The following PTPRD variants were observed in gnomAD, a reference collection of about 807,000 sequenced individuals.
The protein encoded by PTPRD is protein tyrosine phosphatase receptor type D, also known as receptor-type tyrosine-protein phosphatase delta.
A neutral mutation model predicts 214.5 loss-of-function variants in PTPRD; 34 were observed. The ratio of observed to expected loss-of-function variants is 0.16; its 90% CI spans 0.12 to 0.21. The LOEUF (loss-of-function observed/expected upper bound fraction) is 0.21. Ranked by LOEUF, PTPRD falls within the 10% of genes least tolerant of loss-of-function variation. The pLI, the probability that PTPRD is intolerant of heterozygous loss-of-function variation, is 1.00. For synonymous variants in PTPRD, 1,128 were observed against 845.7 expected (o/e 1.33, Z -5.79); for missense variants, 2,545 against 2,398.7 (o/e 1.06, Z -1.27).
intron 10 of PTPRD, among the ~76,000 whole-genome samples, chr9:9,087,367 G>T (rs1453782305): frequency 6.6e-6 from 1 of 152,104 alleles, no homozygotes; most frequent in Admixed American, 6.5e-5. Context: ...TATTACCCAT[G>T]TGTGACCATT....
At chr9:9,415,048 T>C (rs944645994) in intron 8 of PTPRD, among the ~76,000 whole-genome samples, 2 of 152,232 alleles carry the variant, frequency 1.3e-5, no homozygotes, top group African/African-American at 4.8e-5. Flanking sequence ...CATTTTGAAC[T>C]GGACCTAATT....
chr9:8,324,347 G>C (rs78149957), intron 44 of PTPRD, among the ~76,000 whole-genome samples: 1 of 152,006 alleles, frequency 6.6e-6, no homozygotes, highest in Non-Finnish European at 1.5e-5. Flanking sequence ...GAGAATATGC[G>C]GCGTTTGATT....
intron 8 of PTPRD, among the ~76,000 whole-genome samples, chr9:9,457,700 C>T (rs906798242): frequency 7.2e-5 from 11 of 152,024 alleles, no homozygotes; most frequent in Non-Finnish European, 1.3e-4. Flanking sequence ...CTCTAATATG[C>T]AACCATTAGG....
intron 2 of PTPRD, among the ~76,000 whole-genome samples, chr9:10,460,271 C>T (rs2098948972): frequency 6.6e-6 from 1 of 151,840 alleles, no homozygotes; most frequent in Admixed American, 6.6e-5. Flanking sequence ...GCTTATGGAT[C>T]AGAAACACTA....
intron 11 of PTPRD, among the ~76,000 whole-genome samples, chr9:8,935,863 G>T (rs950607434): frequency 2.0e-5 from 3 of 151,980 alleles, no homozygotes; most frequent in African/African-American, 7.3e-5. Context: ...TCCTTTTGGG[G>T]TTACATCACC....
rs200877251 is a variant in PTPRD at position 8,633,360 on chromosome 9, A to G, written c.309T>C (p.Asn103=). ...TGGTGGATACACTTATTTCTCCCAC[A>G]TTATTTGAGGCCACACATTCATAAA... is the stretch of plus-strand genomic sequence containing the variant. ...EAIYECVASN[N]VGEISVSTRL... Residue 103 remains asparagine (N), a synonymous_variant, in exon 14 of 46, where the codon AAT becomes AAC. Coordinates refer to ENST00000381196, the MANE Select transcript of PTPRD (RefSeq NM_002839.4). The G allele has an allele frequency of 1.5e-5, 24 of 1,612,742 alleles. No individual in the cohort carries two copies. Among genetic ancestry groups the G allele is most frequent in the Non-Finnish European group, 2.0e-5 (24 of 1,179,074 alleles).
chr9:9,368,396 G>T (rs1389456701), intron 9 of PTPRD, among the ~76,000 whole-genome samples: 1 of 151,806 alleles, frequency 6.6e-6, no homozygotes, highest in East Asian at 1.9e-4. Context: ...TTCATTCCTT[G>T]TTAGGAATCT....
At chr9:9,539,095 A>G (rs2077066447) in intron 8 of PTPRD, among the ~76,000 whole-genome samples, 1 of 151,928 alleles carries the variant, frequency 6.6e-6, no homozygotes, top group African/African-American at 2.4e-5. Flanking sequence ...TATGAAGAAA[A>G]CAGTACAGGG....
chr9:9,563,346 G>T (rs1235945417), intron 8 of PTPRD, among the ~76,000 whole-genome samples: 1 of 152,114 alleles, frequency 6.6e-6, no homozygotes, highest in East Asian at 1.9e-4. Flanking sequence ...AGAATGCTTT[G>T]ACAATATGAT....
At chr9:9,755,474 T>C (rs111566632) in intron 6 of PTPRD, among the ~76,000 whole-genome samples, 2,363 of 152,234 alleles carry the variant, frequency 0.016, 38 homozygotes, top group African/African-American at 0.039. Context: ...TCCTCATTCT[T>C]TCTTCCTCAG....
intron 4 of PTPRD, among the ~76,000 whole-genome samples, chr9:10,002,717 A>G (rs2096358588): frequency 1.3e-5 from 2 of 151,526 alleles, no homozygotes; most frequent in Admixed American, 1.3e-4. Flanking sequence ...ACAAAGAGAG[A>G]AATAGAAAAT....
intron 11 of PTPRD, among the ~76,000 whole-genome samples, chr9:8,755,257 C>T (rs1409415299): frequency 1.1e-4 from 17 of 150,580 alleles, no homozygotes; most frequent in East Asian, 3.9e-4. Context: ...AGGCCAGGTG[C>T]GGTGGCTCAC....
chr9:10,433,927 C>A (rs143042280), intron 2 of PTPRD, among the ~76,000 whole-genome samples: 1 of 151,710 alleles, frequency 6.6e-6, no homozygotes, highest in Non-Finnish European at 1.5e-5. Flanking sequence ...ATTTGGAATA[C>A]CATTGGTAAT....
chr9:8,674,130 C>A (rs1555090692), intron 12 of PTPRD, among the ~76,000 whole-genome samples: 2 of 152,110 alleles, frequency 1.3e-5, no homozygotes, highest in Non-Finnish European at 2.9e-5. Flanking sequence ...CACACACACA[C>A]ATATACGCAT....
intron 14 of PTPRD, among the ~76,000 whole-genome samples, chr9:8,592,334 A>G (rs756119824): frequency 2.6e-5 from 4 of 152,156 alleles, no homozygotes; most frequent in Admixed American, 1.3e-4. Flanking sequence ...TTAGCTGACT[A>G]AACTTTAAAA....
chr9:9,801,049 T>G (rs1252358205), intron 5 of PTPRD, among the ~76,000 whole-genome samples: 1 of 152,168 alleles, frequency 6.6e-6, no homozygotes, highest in South Asian at 2.1e-4. Context: ...TATTTATTAT[T>G]TATTTATTTG....
At chr9:9,858,297 G>C (rs2061962691) in intron 5 of PTPRD, among the ~76,000 whole-genome samples, 1 of 152,090 alleles carries the variant, frequency 6.6e-6, no homozygotes, top group Non-Finnish European at 1.5e-5. Flanking sequence ...TTTTTGCTTT[G>C]TATTTAGCCA....
chr9:8,671,499 A>G (rs1235747219), intron 12 of PTPRD, among the ~76,000 whole-genome samples: 4 of 152,182 alleles, frequency 2.6e-5, no homozygotes, highest in Non-Finnish European at 5.9e-5. Context: ...TACTTTTAAA[A>G]CTTATTGCTA....
chr9:10,147,209 G>T (rs2099029233), intron 3 of PTPRD, among the ~76,000 whole-genome samples: 1 of 151,988 alleles, frequency 6.6e-6, no homozygotes, highest in African/African-American at 2.4e-5. Context: ...TACTCAAAAG[G>T]CACTTTAAAG....
Sources: gnomAD v4.1 joint callset for allele counts (sites outside exome capture counted in the v4.1 genomes callset) on GRCh38, gnomAD v4.1.1 for gene constraint, MANE v1.5 for transcripts, NCBI Gene and HGNC (gene_info 2026-07-23, HGNC 2026-07-21) for gene names.